The following VPS13C variants were observed in gnomAD, a reference collection of about 807,000 sequenced individuals.
VPS13C encodes intermembrane lipid transfer protein VPS13C.
Under a neutral mutation model 456.8 loss-of-function variants are expected in VPS13C, and 358 were observed. That is an observed-to-expected ratio of 0.78 (90% CI 0.72 to 0.86). The LOEUF (loss-of-function observed/expected upper bound fraction) is 0.86. VPS13C is among the 40% of genes least tolerant of loss of function. VPS13C has a pLI of 0.00. For missense variants in VPS13C, 4,818 were observed against 4,385.4 expected (o/e 1.10, Z -2.79); for synonymous variants, 1,578 against 1,486.7 (o/e 1.06, Z -1.41).
chr15:61,881,875 C>G (rs1895883557), intron 69 of VPS13C, 47 bp from the exon 70 acceptor site: 3 of 1,508,360 alleles, frequency 2.0e-6, no homozygotes, highest in Non-Finnish European at 2.7e-6. Context: ...ATAATTTAAA[C>G]TTTTAGTTTC....
intron 79 of VPS13C, among the ~76,000 whole-genome samples, chr15:61,870,469 T>C (rs1189571600): frequency 1.3e-5 from 2 of 152,188 alleles, no homozygotes; most frequent in Non-Finnish European, 2.9e-5. Context: ...CATGATTCCT[T>C]TTTATGACTG....
In VPS13C at chr15:61,917,462, G is replaced by A. The variant is rs1305952803; in HGVS notation, c.7934C>T (p.Pro2645Leu). The A allele has an allele frequency of 2.0e-5, 33 of 1,613,908 alleles. No individual in the cohort carries two copies. Among genetic ancestry groups the A allele is most frequent in the Non-Finnish European group, 2.8e-5 (33 of 1,179,928 alleles). ...LPLIVNTVAL[P>L]DELSYICTHG... ...TGTACATATGTAGCTCAATTCATCA[G>A]GCAGAGCAACTGTATTCACTATGAG... The change falls in exon 60 of 85, where the codon CCT (proline) becomes CTT (leucine). Residue 2645 changes from proline (P) to leucine (L), a missense_variant. Around this residue, in one of 3 missense-constraint regions of VPS13C, gnomAD observed 4,552 missense variants for 4,130.6 expected, o/e 1.10. Transcript: ENST00000644861.
rs566794069 is a variant in VPS13C at position 61,894,216 on chromosome 15, G to A, written c.9106-3816C>T. ...CCAGCTACTAGGGAGGCTGAGGCAG[G>A]GGAATTGCTTGAACCAAGGAGGTGG... On this transcript the variant is annotated intron_variant, in intron 66 of 84. Coordinates refer to ENST00000644861, the MANE Select transcript of VPS13C (RefSeq NM_020821.3). Among the ~76,000 whole-genome samples the A allele has an allele frequency of 2.6e-5, 4 of 152,158 alleles. No homozygotes were observed. In the South Asian group the frequency reaches 8.3e-4, roughly 32 times the overall value.
At chr15:61,870,792 T>C (rs1455289734) in intron 79 of VPS13C, among the ~76,000 whole-genome samples, 1 of 152,172 alleles carries the variant, frequency 6.6e-6, no homozygotes, top group Non-Finnish European at 1.5e-5. Context: ...CTCTTAACAC[T>C]TGATTCTAGC....
rs1237314289 is a variant in VPS13C, at chr15:62,007,395, G to A, written c.1203C>T (p.His401=). Residue 401 remains histidine (H), a synonymous_variant, in exon 15 of 85, where the codon CAC becomes CAT. Transcript: ENST00000644861. ...QMWSWSNIKK[H]RQLLKSYKIA... ...TTTTATAACTCTTGAGTAACTGCCT[G>A]TGCTTTTTTATGTTACTCCATGACC... 3 of 1,612,946 alleles carry A rather than the reference G, an allele frequency of 1.9e-6. No individual in the cohort carries two copies. The highest frequency in any genetic ancestry group is 2.2e-5 in the East Asian group (1 of 44,742).
chr15:61,994,693 G>A (rs533042085), intron 16 of VPS13C, among the ~76,000 whole-genome samples: 1 of 151,850 alleles, frequency 6.6e-6, no homozygotes, highest in Non-Finnish European at 1.5e-5. Flanking sequence ...GGGTTCAAGC[G>A]ATTCTCCTGC....
chr15:62,007,063 C>T (rs1160976800), intron 15 of VPS13C, among the ~76,000 whole-genome samples: 1 of 151,906 alleles, frequency 6.6e-6, no homozygotes, highest in Non-Finnish European at 1.5e-5. Context: ...TTATAAAAAC[C>T]AGTCACCTTT....
chr15:61,863,083 A>G (rs4775445), intron 82 of VPS13C, among the ~76,000 whole-genome samples: 72,736 of 151,810 alleles, frequency 0.48, 17,871 homozygotes, highest in Admixed American at 0.58. Context: ...AAACTTAGTA[A>G]CAAAAGTGAT....
rs1365838006 is a variant in VPS13C, at chr15:61,858,340, AT to A, written c.10953-1932del. ...CAACTATCTATCTATCTATCTATCT[AT>A]CTATCTATCTATCTATCTATCTGTC... On this transcript the variant is annotated intron_variant, in intron 82 of 84. Transcript: ENST00000644861. The surrounding 1 kb of genome is among the most constrained non-coding windows in gnomAD (Gnocchi z 4.4). Among the ~76,000 whole-genome samples, 1 of 150,708 alleles carries A rather than the reference AT, an allele frequency of 6.6e-6. No individual in the cohort carries two copies. The highest frequency in any genetic ancestry group is 2.5e-5 in the African/African-American group (1 of 40,810).
intron 5 of VPS13C, among the ~76,000 whole-genome samples, chr15:62,030,474 C>T (rs1383628886): frequency 2.0e-5 from 3 of 151,994 alleles, no homozygotes; most frequent in African/African-American, 4.8e-5. Context: ...GAGCAAGTGC[C>T]GGCATCATGC....
rs1390805687 is a variant in VPS13C, at chr15:61,922,534, C to A, written c.6838G>T (p.Val2280Leu). Residue 2280 changes from valine to leucine, a missense_variant, in exon 54 of 85, where the codon GTA becomes TTA. Val to Leu is a conservative substitution (Grantham distance 32, BLOSUM62 1). Around this residue, in one of 3 missense-constraint regions of VPS13C, gnomAD observed 4,552 missense variants for 4,130.6 expected, o/e 1.10. Coordinates refer to ENST00000644861, the MANE Select transcript of VPS13C (RefSeq NM_020821.3). ...SLIEENCGVVVESIQVTLECG... is the reference protein window; with the variant it reads ...SLIEENCGVVLESIQVTLECG... ...TCTAAGGTAACTTGAATGGATTCTA[C>A]AACAACACCACAATTTTCCTCTATC... is the stretch of plus-strand genomic sequence containing the variant. 6.2e-7 allele frequency: 1 copy of A among 1,613,926 alleles called. No individual in the cohort carries two copies. Among genetic ancestry groups the A allele is most frequent in the South Asian group, 1.1e-5 (1 of 91,084 alleles).
Position 61,962,484 on chromosome 15 carries a change from C to T in VPS13C, c.3490G>A (p.Asp1164Asn). ...VFRFNLDLYP[D>N]ATEGDLYTDM... is the part of the protein sequence containing the mutation. ...GTATACAAATCCCCCTCAGTAGCAT[C>T]TGGATACAAATCCAAATTAAAACGG... The change falls in exon 34 of 85, where the codon GAT becomes AAT. Residue 1164 changes from aspartate to asparagine, a missense_variant. By Grantham distance (23) the Asp-to-Asn change is conservative. Coordinates refer to ENST00000644861, the MANE Select transcript of VPS13C (RefSeq NM_020821.3). The T allele has an allele frequency of 6.2e-7, 1 of 1,611,618 alleles. No homozygotes were observed. The highest frequency in any genetic ancestry group is 1.7e-4 in the Middle Eastern group (1 of 6,056).
At chr15:61,969,905 TA>T (rs1343016424) in intron 27 of VPS13C, among the ~76,000 whole-genome samples, 1 of 151,964 alleles carries the variant, frequency 6.6e-6, no homozygotes, top group African/African-American at 2.4e-5. Context: ...TGGTAATTTT[TA>T]AAAGATGTAA....
chr15:61,991,888 CT>C (rs201011173), intron 16 of VPS13C, 86 bp from the exon 17 acceptor site: 189,594 of 1,017,814 alleles, frequency 0.19, 13 homozygotes, highest in East Asian at 0.22. Context: ...AACAATGGTT[CT>C]TTTTTTTTTT....
intron 45 of VPS13C, among the ~76,000 whole-genome samples, chr15:61,942,509 G>T (rs954448224): frequency 6.7e-6 from 1 of 149,298 alleles, no homozygotes; most frequent in Non-Finnish European, 1.5e-5. Context: ...TTTAGTCTTA[G>T]AAACTAAGCT....
At position 61,946,648 on chromosome 15, in the gene VPS13C, C is replaced by CA. The variant is rs5813127; in HGVS notation, c.4877-239dup. On this transcript the variant is annotated intron_variant, in intron 43 of 84. Coordinates refer to ENST00000644861, the MANE Select transcript of VPS13C (RefSeq NM_020821.3). ...AAAAAAGTTGTAGAAATTTTAAAAC[C>CA]AAAAAAAAAAACCCACCAAGTTTCA... Among the ~76,000 whole-genome samples the CA allele has an allele frequency of 0.47, 67,866 of 144,050 alleles. 15,847 individuals are homozygous for CA. Among genetic ancestry groups the CA allele is most frequent in the Middle Eastern group, 0.64 (177 of 278 alleles). 94.5% of individuals were successfully genotyped at this position (144,050 alleles called of 152,430 possible).
At position 61,852,835 on chromosome 15, in the gene VPS13C, T is replaced by A. The variant is rs1422421202; in HGVS notation, c.*1622A>T. 6.6e-6 allele frequency: 1 copy of A among 152,188 alleles called. No homozygotes were observed. The highest frequency in any genetic ancestry group is 1.5e-5 in the Non-Finnish European group (1 of 68,022). The allele number at this position is 152,188 out of a possible 1,614,324, so 9.4% of individuals were successfully genotyped here. ...ATTTAGGGCATTAGTTACTGCATTCTCTTTTTAGAATATACATTAAGTAAC... is the reference window on the plus strand; with the variant it reads ...ATTTAGGGCATTAGTTACTGCATTCACTTTTTAGAATATACATTAAGTAAC... On this transcript the variant is annotated 3_prime_UTR_variant, in exon 85 of 85. Transcript: ENST00000644861.
At position 61,880,669 on chromosome 15, in the gene VPS13C, A is replaced by C. The variant is rs1363437351; in HGVS notation, c.9942T>G (p.Thr3314=). The C allele has an allele frequency of 1.2e-6, 2 of 1,602,112 alleles. No individual in the cohort carries two copies. Among genetic ancestry groups the C allele is most frequent in the Non-Finnish European group, 1.7e-6 (2 of 1,175,482 alleles). The change falls in exon 73 of 85, where the codon ACT becomes ACG. Residue 3314 remains threonine, a synonymous_variant. Transcript: ENST00000644861. ...TAAGAATTGACATATCAGTCATTGA[A>C]GTCTCCATTAATTCTGCATTTAGAG... The part of the protein sequence containing the change: ...IDALNAELME[T]SMTDMSILSF...
In VPS13C at chr15:61,915,799, A is replaced by G. The variant is rs1391061989; in HGVS notation, c.8279T>C (p.Ile2760Thr). 4 of 1,613,988 alleles carry G rather than the reference A, an allele frequency of 2.5e-6. No individual in the cohort carries two copies. Among genetic ancestry groups the G allele is most frequent in the Non-Finnish European group, 3.4e-6 (4 of 1,180,018 alleles). The stretch of plus-strand genomic sequence containing the variant: ...GACAGACAGCACCATCCGGCTGCCA[A>G]TTCTCCTGACGTGGACTGACAGGTC... ...TVDLSVHVRRIGSRMVLSVFS... is the reference protein window; with the variant it reads ...TVDLSVHVRRTGSRMVLSVFS... Residue 2760 changes from isoleucine to threonine, a missense_variant, in exon 61 of 85, where the codon ATT becomes ACT. Around this residue, in one of 3 missense-constraint regions of VPS13C, gnomAD observed 4,552 missense variants for 4,130.6 expected, o/e 1.10. Coordinates refer to ENST00000644861, the MANE Select transcript of VPS13C (RefSeq NM_020821.3).
Sources: gnomAD v4.1 joint callset for allele counts (sites outside exome capture counted in the v4.1 genomes callset) on GRCh38, gnomAD v4.1.1 for gene constraint, gnomAD v4.1.1 regional missense constraint, Gnocchi (gnomAD v3.1) non-coding constraint, MANE v1.5 for transcripts, NCBI Gene and HGNC (gene_info 2026-07-23, HGNC 2026-07-21) for gene names.